NAALADL2: variants seen among roughly 807,000 people sequenced by gnomAD.
NAALADL2 encodes the protein inactive N-acetylated-alpha-linked acidic dipeptidase-like protein 2.
A neutral mutation model predicts 87.2 loss-of-function variants in NAALADL2; 76 were observed. The observed-to-expected ratio is 0.87, with a 90% CI of 0.72 to 1.05. The LOEUF (loss-of-function observed/expected upper bound fraction) is 1.05. Among genes scored for constraint, NAALADL2 ranks in the 50% least tolerant of loss-of-function variants. The probability of loss-of-function intolerance (pLI) is 0.00; values close to 1 mark genes in which losing one functional copy is unlikely to be tolerated. For missense variants in NAALADL2, 1,089 were observed against 945.8 expected, an observed-to-expected ratio of 1.15 and a Z score of -1.99; for synonymous variants, 354 against 331.0, an observed-to-expected ratio of 1.07 and a Z score of -0.75.
At chr3:175,474,859 T>A (rs985197315) in intron 9 of NAALADL2, among the ~76,000 whole-genome samples, 1 of 151,866 alleles carries the variant, frequency 6.6e-6, no homozygotes, top group African/African-American at 2.4e-5. Context: ...TGGTGTCCAC[T>A]TTGAGTGGAA....
chr3:175,200,521 A>C (rs1329702151), intron 2 of NAALADL2, among the ~76,000 whole-genome samples: 1 of 152,168 alleles, frequency 6.6e-6, no homozygotes, highest in Non-Finnish European at 1.5e-5. Context: ...ATCAGTTTCT[A>C]AAACGCTCAA....
chr3:175,809,818 A>ACCACTG lies in NAALADL2; in HGVS notation c.*6615_*6616insCCACTG. ...TCAATGTAGCAGCATTTAGATATGTAAGATTTTAGAAGTAAAATCTCAGTG... is the reference window on the plus strand; with the variant it reads ...TCAATGTAGCAGCATTTAGATATGTACCACTGAGATTTTAGAAGTAAAATCTCAGTG... On this transcript the variant is annotated 3_prime_UTR_variant, in exon 14 of 14. Coordinates refer to ENST00000454872, the MANE Select transcript of NAALADL2 (RefSeq NM_207015.3). 6.6e-6 allele frequency: 1 copy of ACCACTG among 152,088 alleles called. No individual in the cohort carries two copies. The highest frequency in any genetic ancestry group is 2.4e-5 in the African/African-American group (1 of 41,444). 9.4% of individuals were successfully genotyped at this position (152,088 alleles called of 1,614,324 possible). A position where few individuals can be genotyped will look rare whatever the true frequency, so the allele number is the denominator to read the frequency against.
intron 11 of NAALADL2, among the ~76,000 whole-genome samples, chr3:175,694,713 A>G (rs1298239391): frequency 6.6e-6 from 1 of 152,148 alleles, no homozygotes; most frequent in East Asian, 1.9e-4. Flanking sequence ...AGAAAAACAA[A>G]AAGTAAAATT....
intron 1 of NAALADL2, among the ~76,000 whole-genome samples, chr3:174,456,276 C>G (rs141270540): frequency 0.02 from 3,013 of 152,074 alleles, 102 homozygotes; most frequent in African/African-American, 0.062. Flanking sequence ...TTAAAATGAC[C>G]ATACTGCCCA....
chr3:174,854,408 C>T (rs1202443798), upstream of NAALADL2, among the ~76,000 whole-genome samples: 5 of 152,030 alleles, frequency 3.3e-5, no homozygotes, highest in East Asian at 1.9e-4. Context: ...AAGGGATAAA[C>T]GGGATGGTTA....
chr3:175,469,338 A>G (rs537362113), intron 8 of NAALADL2, among the ~76,000 whole-genome samples: 1 of 150,398 alleles, frequency 6.6e-6, no homozygotes, highest in South Asian at 2.1e-4. Flanking sequence ...CCTGAGAATG[A>G]AAGAGTTTAT....
Position 175,374,553 on chromosome 3 carries a change from G to GAAA in NAALADL2, c.1090+50258_1090+50260dup, listed in dbSNP as rs765485400. On this transcript the variant is annotated intron_variant, in intron 5 of 13. Transcript: ENST00000454872. ...AGTGCTGAGTACCACTGCATCTCCA[G>GAAA]AAAAAAAAAAAAAAAAAAAAAAAAA... Among the ~76,000 whole-genome samples, 202 of 45,414 alleles carry GAAA rather than the reference G, an allele frequency of 4.4e-3. 1 individual carries two copies. Among genetic ancestry groups the GAAA allele is most frequent in the South Asian group, 7.7e-3 (6 of 780 alleles). The allele number at this position is 45,414 out of a possible 152,430, so 29.8% of individuals were successfully genotyped here. A position where few individuals can be genotyped will look rare whatever the true frequency, so the allele number is the denominator to read the frequency against.
chr3:175,681,407 A>G lies in NAALADL2; in HGVS notation c.1896+54021A>G, dbSNP rs115692597. Among the ~76,000 whole-genome samples the G allele has an allele frequency of 2.8e-3, 422 of 152,274 alleles. 1 individual carries two copies. Among genetic ancestry groups the G allele is most frequent in the African/African-American group, 9.8e-3 (408 of 41,548 alleles). On this transcript the variant is annotated intron_variant, in intron 11 of 13. Coordinates refer to ENST00000454872, the MANE Select transcript of NAALADL2 (RefSeq NM_207015.3). ...TTCATGGTATCTCTAATTTAAACTA[A>G]ATAACTAGTTTAGTTCAAACCACTG...
At chr3:175,514,498 C>G (rs879275265) in intron 9 of NAALADL2, among the ~76,000 whole-genome samples, 3 of 152,138 alleles carry the variant, frequency 2.0e-5, no homozygotes, top group Non-Finnish European at 4.4e-5. Flanking sequence ...TTAATCACTA[C>G]AGTGGTATTA....
At chr3:175,696,159 T>A (rs1294082688) in intron 11 of NAALADL2, among the ~76,000 whole-genome samples, 1 of 152,134 alleles carries the variant, frequency 6.6e-6, no homozygotes, top group Non-Finnish European at 1.5e-5. Context: ...ACAAAAAAAA[T>A]TTCTTATTCA....
At chr3:174,780,693 C>A (rs569362246) in intron 3 of NAALADL2, among the ~76,000 whole-genome samples, 19 of 151,896 alleles carry the variant, frequency 1.3e-4, no homozygotes, top group Non-Finnish European at 2.8e-4. Context: ...CAGCATGAAG[C>A]GCTGTGGAAT....
At chr3:174,843,742 C>T (rs1208838162) in intron 3 of NAALADL2, among the ~76,000 whole-genome samples, 3 of 151,878 alleles carry the variant, frequency 2.0e-5, no homozygotes, top group Non-Finnish European at 4.4e-5. Context: ...CAGGTGTTAT[C>T]TTGTTGAGGT....
At chr3:175,263,428 C>T (rs560215009) in intron 4 of NAALADL2, among the ~76,000 whole-genome samples, 3 of 151,916 alleles carry the variant, frequency 2.0e-5, no homozygotes, top group Admixed American at 6.6e-5. Context: ...AGTGTGTCTA[C>T]GAATCTTCAA....
chr3:174,852,255 C>T lies in NAALADL2; in HGVS notation c.-9+114509C>T, dbSNP rs961877671. On this transcript the variant is annotated intron_variant, in intron 3 of 3. Transcript: ENST00000434257. ...GACAAGAGAAAGAAATAAAGGCATC[C>T]GAATTGGAAAGGAATTAAAAATATC... Among the ~76,000 whole-genome samples the T allele has an allele frequency of 2.6e-5, 4 of 151,892 alleles. No individual in the cohort carries two copies. In the South Asian group the frequency reaches 6.2e-4, roughly 24 times the overall value.
chr3:175,795,782 T>C (rs1399334108), intron 13 of NAALADL2, among the ~76,000 whole-genome samples: 2 of 152,084 alleles, frequency 1.3e-5, no homozygotes, highest in South Asian at 2.1e-4. Flanking sequence ...TATTGCCTCA[T>C]TGAAAATCAC....
chr3:175,181,718 T>TGTGTGTGTATATGA (rs1553802465), intron 2 of NAALADL2, among the ~76,000 whole-genome samples: 1 of 72,412 alleles, frequency 1.4e-5, no homozygotes, highest in Admixed American at 1.8e-4. Flanking sequence ...TGTGTGTGTG[T>TGTGTGTGTATATGA]ATATATATGT....
At chr3:174,712,380 CTTTTT>C (rs1169827021) in intron 2 of NAALADL2, among the ~76,000 whole-genome samples, 1 of 70,448 alleles carries the variant, frequency 1.4e-5, no homozygotes, top group African/African-American at 5.9e-5. Flanking sequence ...TTCTCCTCTT[CTTTTT>C]TTTTTTTTTT....
intron 5 of NAALADL2, among the ~76,000 whole-genome samples, chr3:175,435,850 A>AT (rs2149179117): frequency 1.1e-5 from 1 of 89,348 alleles, no homozygotes; most frequent in Non-Finnish European, 2.4e-5. Context: ...CCTGTGTAGT[A>AT]CTTTTTTTTT....
Position 174,827,600 on chromosome 3 carries a change from T to A in NAALADL2, c.-9+89854T>A, listed in dbSNP as rs28515587. On this transcript the variant is annotated intron_variant, in intron 3 of 3. Coordinates refer to the NAALADL2 transcript ENST00000434257. ...TTTCTCCATCTCAGTGTCACCTGAT[T>A]AATAACTTTAATTGCATATGCAACT... Among the ~76,000 whole-genome samples, 955 of 152,340 alleles carry A rather than the reference T, an allele frequency of 6.3e-3. 8 individuals are homozygous for A. The highest frequency in any genetic ancestry group is 0.02 in the African/African-American group (845 of 41,576).
Sources: allele counts gnomAD v4.1 joint callset (sites outside exome capture counted in the v4.1 genomes callset), GRCh38; gene constraint gnomAD v4.1.1; transcripts MANE v1.5; gene names NCBI Gene and HGNC (gene_info 2026-07-23, HGNC 2026-07-21).